The following LINGO2 variants were observed in gnomAD, a reference collection of about 807,000 sequenced individuals.
LINGO2 encodes leucine rich repeat and Ig domain containing 2.
In LINGO2, 14 loss-of-function variants were observed where a neutral mutation model predicts 30.6. The ratio of observed to expected loss-of-function variants is 0.46; its 90% confidence interval spans 0.30 to 0.72. The LOEUF (loss-of-function observed/expected upper bound fraction) is 0.72. Among genes scored for constraint, LINGO2 ranks in the 30% least tolerant of loss-of-function variants. The probability of loss-of-function intolerance (pLI) is 0.07; values close to 1 mark genes in which losing one functional copy is unlikely to be tolerated. For synonymous variants in LINGO2, 317 were observed against 288.5 expected (o/e 1.10, Z -1.00); for missense variants, 729 against 751.7 (o/e 0.97, Z 0.35).
chr9:29,068,141 A>G, the LINGO2 span, among the ~76,000 whole-genome samples: 1 of 151,812 alleles, frequency 6.6e-6, no homozygotes, highest in Non-Finnish European at 1.5e-5. Context: ...GCCTCTAACC[A>G]TTGCAAATGA....
chr9:28,969,276 C>T, the LINGO2 span, among the ~76,000 whole-genome samples: 1 of 151,942 alleles, frequency 6.6e-6, no homozygotes, highest in Admixed American at 6.6e-5. Flanking sequence ...GAAAAGGTAA[C>T]ACTTGAGTAA....
At chr9:29,165,316 A>C in the LINGO2 span, among the ~76,000 whole-genome samples, 1 of 152,104 alleles carries the variant, frequency 6.6e-6, no homozygotes, top group Non-Finnish European at 1.5e-5. Flanking sequence ...CTAAACATTG[A>C]GAATAATGAC....
intron 4 of LINGO2, among the ~76,000 whole-genome samples, chr9:28,189,701 G>GAAGAAGGAAGGA (rs1554684594): frequency 6.0e-5 from 1 of 16,598 alleles, no homozygotes; most frequent in African/African-American, 1.8e-4. Context: ...GGAAGGGAGG[G>GAAGAAGGAAGGA]AGGAAGGAAG....
intron 4 of LINGO2, among the ~76,000 whole-genome samples, chr9:28,191,063 A>T (rs1465175677): frequency 6.6e-6 from 1 of 152,156 alleles, no homozygotes; most frequent in African/African-American, 2.4e-5. Flanking sequence ...CTGCTTAGTC[A>T]TTGTTTCTTA....
At chr9:28,179,718 A>G (rs1828860624) in intron 4 of LINGO2, among the ~76,000 whole-genome samples, 1 of 145,310 alleles carries the variant, frequency 6.9e-6, no homozygotes, top group Non-Finnish European at 1.5e-5. Flanking sequence ...CTATATATAG[A>G]GTATATATAT....
the LINGO2 span, among the ~76,000 whole-genome samples, chr9:28,711,989 G>A: frequency 6.6e-6 from 1 of 152,092 alleles, no homozygotes; most frequent in Non-Finnish European, 1.5e-5. Flanking sequence ...TAGGAACAAT[G>A]AAGACAGCCT....
chr9:28,497,558 G>A (rs191032194), intron 1 of LINGO2, among the ~76,000 whole-genome samples: 19 of 152,150 alleles, frequency 1.2e-4, no homozygotes, highest in African/African-American at 2.9e-4. Context: ...TTAGTCATTC[G>A]TCTAATCTTT....
intron 5 of LINGO2, among the ~76,000 whole-genome samples, chr9:27,951,891 T>G (rs1819332663): frequency 6.6e-6 from 1 of 152,148 alleles, no homozygotes; most frequent in Non-Finnish European, 1.5e-5. Context: ...ACAGTATGTC[T>G]ATATGTAAAC....
chr9:28,496,664 A>T (rs1435574870), intron 1 of LINGO2, among the ~76,000 whole-genome samples: 1 of 152,076 alleles, frequency 6.6e-6, no homozygotes, highest in African/African-American at 2.4e-5. Flanking sequence ...TTACATTTAA[A>T]GTTAATATTG....
intron 2 of LINGO2, among the ~76,000 whole-genome samples, chr9:28,450,195 AC>A (rs941839115): frequency 1.3e-5 from 2 of 151,676 alleles, no homozygotes; most frequent in Non-Finnish European, 2.9e-5. Flanking sequence ...TAATCTGTGG[AC>A]CCCCTGTAAC....
At chr9:28,646,949 A>T (rs1428657391) in intron 1 of LINGO2, among the ~76,000 whole-genome samples, 1 of 152,120 alleles carries the variant, frequency 6.6e-6, no homozygotes, top group Non-Finnish European at 1.5e-5. Flanking sequence ...AACATAGGTC[A>T]GTTTCTGGAA....
chr9:28,575,995 C>T (rs1823966167), intron 1 of LINGO2, among the ~76,000 whole-genome samples: 1 of 152,014 alleles, frequency 6.6e-6, no homozygotes, highest in African/African-American at 2.4e-5. Flanking sequence ...CATGCAGATC[C>T]TCCTCTACTT....
At chr9:28,509,192 A>G (rs1263492433) in intron 1 of LINGO2, among the ~76,000 whole-genome samples, 1 of 152,210 alleles carries the variant, frequency 6.6e-6, no homozygotes, top group Non-Finnish European at 1.5e-5. Flanking sequence ...ACTGTAATTT[A>G]CAAAGCAATT....
At chr9:28,368,684 C>A (rs1171206774) in intron 3 of LINGO2, among the ~76,000 whole-genome samples, 2 of 151,476 alleles carry the variant, frequency 1.3e-5, no homozygotes, top group African/African-American at 4.9e-5. Context: ...GCAAGCTCCC[C>A]CTCCCGAGTT....
At chr9:28,676,909 G>A in the LINGO2 span, among the ~76,000 whole-genome samples, 1 of 152,188 alleles carries the variant, frequency 6.6e-6, no homozygotes, top group South Asian at 2.1e-4. Context: ...GGCATATTTT[G>A]TTTGGTCTTA....
chr9:28,533,952 A>T (rs900102715), intron 1 of LINGO2, among the ~76,000 whole-genome samples: 2 of 152,294 alleles, frequency 1.3e-5, no homozygotes, highest in African/African-American at 4.8e-5. Flanking sequence ...ACACTTGAAG[A>T]TCTTCTGTGA....
chr9:28,023,639 AAT>A (rs1823241021), intron 4 of LINGO2, among the ~76,000 whole-genome samples: 1 of 152,218 alleles, frequency 6.6e-6, no homozygotes, highest in Non-Finnish European at 1.5e-5. Context: ...AAGTCAGAGA[AAT>A]ATATCTTTCT....
chr9:28,659,811 T>C (rs1828515939), intron 1 of LINGO2, among the ~76,000 whole-genome samples: 2 of 152,058 alleles, frequency 1.3e-5, no homozygotes, highest in South Asian at 4.1e-4. Flanking sequence ...AGGTTGAATG[T>C]AACAAAATAA....
chr9:28,851,656 A>G, the LINGO2 span, among the ~76,000 whole-genome samples: 1 of 151,972 alleles, frequency 6.6e-6, no homozygotes, highest in Admixed American at 6.6e-5. Context: ...TCAGTATCAT[A>G]TTTGAGGTAA....
Sources: allele counts gnomAD v4.1 joint callset (sites outside exome capture counted in the v4.1 genomes callset), GRCh38; gene constraint gnomAD v4.1.1; transcripts MANE v1.5; gene names NCBI Gene and HGNC (gene_info 2026-07-23, HGNC 2026-07-21).